The following SLC26A5 variants were observed in gnomAD, a reference collection of about 807,000 sequenced individuals.
SLC26A5 encodes prestin.
SLC26A5 carries 51 observed loss-of-function variants against 81.0 expected under a neutral mutation model. The ratio of observed to expected loss-of-function variants is 0.63; its 90% CI spans 0.50 to 0.80. SLC26A5 has a LOEUF of 0.80. SLC26A5 is among the 30% of genes least tolerant of loss of function. The pLI is 0.00. For missense variants in SLC26A5, 771 were observed against 905.8 expected, an observed-to-expected ratio of 0.85 and a Z score of 1.91; for synonymous variants, 325 against 332.8, an observed-to-expected ratio of 0.98 and a Z score of 0.25.
At chr7:103,363,336 T>G in intron 19 of SLC26A5, 1 of 1,606,018 alleles carries the variant, frequency 6.2e-7, no homozygotes, top group Admixed American at 1.7e-5. Context: ...TTTCTGTCCC[T>G]CTCTTAGGTG....
At chr7:103,420,236 T>G (rs556000696) in intron 4 of SLC26A5, among the ~76,000 whole-genome samples, 1 of 151,444 alleles carries the variant, frequency 6.6e-6, no homozygotes. Flanking sequence ...GCCCAAGCAG[T>G]GTACTGATCT....
chr7:103,368,323 G>A, intron 19 of SLC26A5: 1 of 278,026 alleles, frequency 3.6e-6, no homozygotes, highest in Non-Finnish European at 6.7e-6. Context: ...CTAGGCATAT[G>A]CTGGCCGGGT....
chr7:103,396,033 T>C (rs1823085251), intron 9 of SLC26A5, among the ~76,000 whole-genome samples: 1 of 152,138 alleles, frequency 6.6e-6, no homozygotes, highest in Non-Finnish European at 1.5e-5. Flanking sequence ...GAGATAAGTA[T>C]TAATTACCAT....
intron 2 of SLC26A5, among the ~76,000 whole-genome samples, chr7:103,432,721 T>G (rs986568652): frequency 6.6e-6 from 1 of 152,114 alleles, no homozygotes; most frequent in Non-Finnish European, 1.5e-5. Context: ...GACACTCCCT[T>G]GCAGTGATTT....
Position 103,392,973 on chromosome 7 carries a change from GAT to G in SLC26A5, c.1063_1064del (p.Ile355LeufsTer9), listed in dbSNP as rs1313522475. The G allele has an allele frequency of 6.2e-7, 1 of 1,614,046 alleles. No homozygotes were observed. Among genetic ancestry groups the G allele is most frequent in the Non-Finnish European group, 8.5e-7 (1 of 1,179,898 alleles). ...TATTTGCTAAGGTCTTGGCCATGGA[GAT>G]GGTCACTGAAAATCCAACGATGGCT... Reference protein sequence around the residue: ...AIAIVGFSVTISMAKTLANKH... With the variant: ...AIAIVGFSVTXSMAKTLANKH... On this transcript the variant is annotated frameshift_variant, in exon 10 of 20. Coordinates refer to ENST00000306312, the MANE Select transcript of SLC26A5 (RefSeq NM_198999.3). LOFTEE classifies it high-confidence loss of function.
In SLC26A5 at chr7:103,378,547, C is replaced by A. The variant is rs559797979; in HGVS notation, c.1684G>T (p.Val562Leu). 6.2e-7 allele frequency: 1 copy of A among 1,614,074 alleles called. No individual in the cohort carries two copies. Among genetic ancestry groups the A allele is most frequent in the South Asian group, 1.1e-5 (1 of 91,084 alleles). The change falls in exon 17 of 20, where the codon GTG becomes TTG. Residue 562 changes from valine to leucine, a missense_variant. Transcript: ENST00000306312. ...GCTCCCATGATGACTGCTGGGTTCA[C>A]TCCAGTCTTTACAGAAGAGCACCAT... ...YSNALKRKTG[V>L]NPAVIMGARR...
At chr7:103,396,865 C>T (rs35614996) in intron 9 of SLC26A5, among the ~76,000 whole-genome samples, 112,909 of 150,204 alleles carry the variant, frequency 0.75, 42,730 homozygotes, top group Middle Eastern at 0.82. Context: ...GAAGCTGAGG[C>T]GGGCGGATCA....
At position 103,392,822 on chromosome 7, in the gene SLC26A5, C is replaced by T. The variant is rs530993639; in HGVS notation, c.1119+97G>A. ...TCAATCTCCTGACCTCATGATCCGC[C>T]TGCCTTGGCCTCCCGAAGTGCTGGG... On this transcript the variant is annotated intron_variant, in intron 10 of 19. Transcript: ENST00000306312. 11 of 1,482,542 alleles carry T rather than the reference C, an allele frequency of 7.4e-6. No individual in the cohort carries two copies. In the East Asian group the frequency reaches 2.3e-4, roughly 31 times the overall value. The allele number at this position is 1,482,542 out of a possible 1,614,324, so 91.8% of individuals were successfully genotyped here. A position where few individuals can be genotyped will look rare whatever the true frequency, so the allele number is the denominator to read the frequency against.
chr7:103,419,673 G>A (rs1825185690), intron 4 of SLC26A5, among the ~76,000 whole-genome samples: 1 of 151,898 alleles, frequency 6.6e-6, no homozygotes, highest in Non-Finnish European at 1.5e-5. Context: ...GAGTATCTGA[G>A]ACTACAGGCA....
intron 19 of SLC26A5, among the ~76,000 whole-genome samples, chr7:103,359,953 C>T (rs1005507424): frequency 3.3e-5 from 5 of 151,782 alleles, no homozygotes; most frequent in African/African-American, 7.3e-5. Context: ...TGGTGGCAGG[C>T]GCCTGTAATC....
At chr7:103,424,752 TATG>T in intron 2 of SLC26A5, among the ~76,000 whole-genome samples, 1 of 152,278 alleles carries the variant, frequency 6.6e-6, no homozygotes, top group East Asian at 1.9e-4. Context: ...TCAGGTGAAT[TATG>T]ATGATCAAGT....
At chr7:103,423,039 A>G (rs1359713188) in intron 2 of SLC26A5, among the ~76,000 whole-genome samples, 2 of 150,530 alleles carry the variant, frequency 1.3e-5, no homozygotes, top group African/African-American at 2.4e-5. Flanking sequence ...AGGTGGGTGG[A>G]TCACCTGAGG....
At chr7:103,421,211 T>C (rs112544916) in intron 3 of SLC26A5, 152 bp downstream of exon 3, 3 of 833,538 alleles carry the variant, frequency 3.6e-6, no homozygotes. Flanking sequence ...TATCTAACGC[T>C]GACTGAACCT....
chr7:103,436,225 G>A (rs542785256), intron 2 of SLC26A5, among the ~76,000 whole-genome samples: 27 of 151,962 alleles, frequency 1.8e-4, no homozygotes, highest in Non-Finnish European at 2.9e-4. Flanking sequence ...TTCTGTTATC[G>A]TCTCAGGAAA....
At chr7:103,376,644 T>A (rs947847699) in intron 19 of SLC26A5, among the ~76,000 whole-genome samples, 164 bp downstream of exon 19, 1 of 152,158 alleles carries the variant, frequency 6.6e-6, no homozygotes, top group Non-Finnish European at 1.5e-5. Context: ...TATGAATGCC[T>A]CCATGTGGCT....
At chr7:103,372,316 G>T (rs1411484487), downstream of SLC26A5, among the ~76,000 whole-genome samples, 1 of 152,234 alleles carries the variant, frequency 6.6e-6, no homozygotes, top group Non-Finnish European at 1.5e-5. Flanking sequence ...TTGGTTGCAA[G>T]TAGGCCATGC....
chr7:103,435,523 T>C (rs1015034398), intron 2 of SLC26A5, among the ~76,000 whole-genome samples: 1 of 152,206 alleles, frequency 6.6e-6, no homozygotes, highest in Non-Finnish European at 1.5e-5. Context: ...TGTTGATAGC[T>C]AGTTATACTT....
At chr7:103,421,795 C>T (rs1020294758) in intron 2 of SLC26A5, among the ~76,000 whole-genome samples, 3 of 152,152 alleles carry the variant, frequency 2.0e-5, no homozygotes, top group African/African-American at 4.8e-5. Flanking sequence ...AATGTGTGTA[C>T]TTTTAACAAA....
At chr7:103,429,238 T>A (rs1418189486) in intron 2 of SLC26A5, among the ~76,000 whole-genome samples, 2 of 152,228 alleles carry the variant, frequency 1.3e-5, no homozygotes, top group African/African-American at 4.8e-5. Context: ...ACCGGAGGTA[T>A]CAGAAAAGAG....
Sources: gnomAD v4.1 joint callset for allele counts (sites outside exome capture counted in the v4.1 genomes callset) on GRCh38, gnomAD v4.1.1 for gene constraint, MANE v1.5 for transcripts, NCBI Gene and HGNC (gene_info 2026-07-23, HGNC 2026-07-21) for gene names.